CRYBG1: variants seen among roughly 807,000 people sequenced by gnomAD.
CRYBG1 encodes the protein crystallin beta-gamma domain containing 1, also known as beta/gamma crystallin domain-containing protein 1.
In CRYBG1, 139 loss-of-function variants were observed where a neutral mutation model predicts 189.2. That is an observed-to-expected ratio of 0.73 (90% CI 0.64 to 0.85). The LOEUF (loss-of-function observed/expected upper bound fraction) is 0.85. CRYBG1 is among the 40% of genes least tolerant of loss of function. The pLI is 0.00. For synonymous variants in CRYBG1, 1,023 were observed against 1,017.1 expected (o/e 1.01, Z -0.11); for missense variants, 2,611 against 2,675.8 (o/e 0.98, Z 0.53).
chr6:106,452,517 G>A (rs536065324), intron 2 of CRYBG1, among the ~76,000 whole-genome samples: 20 of 151,898 alleles, frequency 1.3e-4, no homozygotes, highest in South Asian at 2.1e-4. Flanking sequence ...TGCCTTTTGC[G>A]CGCCCTTTTT....
At position 106,512,199 on chromosome 6, in the gene CRYBG1, A is replaced by T. The variant is rs1215610580; in HGVS notation, c.1082A>T (p.Asp361Val). The T allele has an allele frequency of 1.3e-6, 2 of 1,535,864 alleles. No individual in the cohort carries two copies. The highest frequency in any genetic ancestry group is 1.4e-5 in the African/African-American group (1 of 73,146). The part of the protein sequence containing the change: ...AAHTASSAQA[D>V]CTARPKGHAH... ...CACACGGCCAGCTCCGCGCAGGCAG[A>T]CTGCACAGCCCGCCCCAAGGGTCAC... is the stretch of plus-strand genomic sequence containing the variant. The change falls in exon 3 of 22, where the codon GAC becomes GTC. Residue 361 changes from aspartate to valine, a missense_variant. By Grantham distance (152) the Asp-to-Val change is radical. Around this residue, in one of 3 missense-constraint regions of CRYBG1, gnomAD observed 985 missense variants for 924.4 expected, o/e 1.07. Transcript: ENST00000633556.
chr6:106,495,906 T>C (rs73761825), intron 2 of CRYBG1, among the ~76,000 whole-genome samples: 2,679 of 150,456 alleles, frequency 0.018, 85 homozygotes, highest in African/African-American at 0.063. Flanking sequence ...GGAAAAAGAC[T>C]AGTAGGGAAA....
chr6:106,456,921 C>T (rs1771899863), intron 2 of CRYBG1, among the ~76,000 whole-genome samples: 1 of 152,158 alleles, frequency 6.6e-6, no homozygotes, highest in African/African-American at 2.4e-5. Context: ...GGACACAATA[C>T]ATCAACATTA....
Position 106,561,439 on chromosome 6 carries a change from T to C in CRYBG1, c.6077T>C (p.Met2026Thr). The change falls in exon 20 of 22, where the codon ATG becomes ACG. Residue 2026 changes from methionine to threonine, a missense_variant. Around this residue, in one of 3 missense-constraint regions of CRYBG1, gnomAD observed 1,622 missense variants for 1,735.0 expected, o/e 0.93. Transcript: ENST00000633556. The stretch of plus-strand genomic sequence containing the variant: ...CTGAAGCTTCTGAGGATACAGGTCA[T>C]GGAGGATGTCGGGGCCGATGATCAG... ...EDLKLLRIQV[M>T]EDVGADDQIW... 2 of 1,614,168 alleles carry C rather than the reference T, an allele frequency of 1.2e-6. No homozygotes were observed. The highest frequency in any genetic ancestry group is 1.7e-5 in the Admixed American group (1 of 60,032).
At chr6:106,433,773 GTATATATA>G (rs1318647942) in intron 1 of CRYBG1, among the ~76,000 whole-genome samples, 1 of 36,460 alleles carries the variant, frequency 2.7e-5, no homozygotes, top group African/African-American at 1.1e-4. Flanking sequence ...ATATATATAT[GTATATATA>G]TATAAACATA....
At chr6:106,472,325 T>C (rs1232345979) in intron 2 of CRYBG1, among the ~76,000 whole-genome samples, 1 of 152,224 alleles carries the variant, frequency 6.6e-6, no homozygotes, top group Non-Finnish European at 1.5e-5. Context: ...ATAGATAAAG[T>C]ATAACACTTG....
intron 2 of CRYBG1, among the ~76,000 whole-genome samples, chr6:106,484,795 A>G (rs532091445): frequency 1.2e-4 from 18 of 152,192 alleles, no homozygotes; most frequent in Admixed American, 9.2e-4. Flanking sequence ...AGTCCAGCCT[A>G]GGCAATGTAG....
chr6:106,504,034 A>AC (rs1480697168), intron 2 of CRYBG1, among the ~76,000 whole-genome samples: 2 of 140,464 alleles, frequency 1.4e-5, no homozygotes, highest in African/African-American at 5.2e-5. Flanking sequence ...CATTAGAAAA[A>AC]AAAAAAAAAA....
intron 1 of CRYBG1, among the ~76,000 whole-genome samples, chr6:106,397,237 C>T (rs1770630853): frequency 6.6e-6 from 1 of 152,160 alleles, no homozygotes. Context: ...ATATTTATCA[C>T]CTCACATAGT....
At chr6:106,507,087 G>A (rs1021504630) in intron 2 of CRYBG1, among the ~76,000 whole-genome samples, 4 of 152,226 alleles carry the variant, frequency 2.6e-5, no homozygotes, top group African/African-American at 9.6e-5. Flanking sequence ...ACACCACGAA[G>A]GTTGAGAATC....
At chr6:106,399,762 TC>T (rs1307894324) in intron 1 of CRYBG1, among the ~76,000 whole-genome samples, 4 of 151,226 alleles carry the variant, frequency 2.6e-5, no homozygotes, top group Admixed American at 6.6e-5. Context: ...GCTCAAGGCA[TC>T]CTGCCACCTC....
At chr6:106,382,118 G>A (rs562845221) in intron 1 of CRYBG1, among the ~76,000 whole-genome samples, 1 of 152,290 alleles carries the variant, frequency 6.6e-6, no homozygotes, top group Non-Finnish European at 1.5e-5. Context: ...AGGCTTCTGA[G>A]CTCTTAATAG....
At chr6:106,411,402 C>T (rs1353137773) in intron 1 of CRYBG1, among the ~76,000 whole-genome samples, 1 of 152,192 alleles carries the variant, frequency 6.6e-6, no homozygotes, top group African/African-American at 2.4e-5. Context: ...CTTCTGCCTG[C>T]TGTTTTCTTC....
chr6:106,530,306 A>G lies in CRYBG1; in HGVS notation c.4709A>G (p.His1570Arg). 1 of 1,605,046 alleles carries G rather than the reference A, an allele frequency of 6.2e-7. No individual in the cohort carries two copies. Among genetic ancestry groups the G allele is most frequent in the Non-Finnish European group, 8.5e-7 (1 of 1,176,570 alleles). ...VMQKTCSMKV[H>R]WGTWLIYEEP... is the part of the protein sequence containing the mutation. Reference sequence around the variant, plus strand: ...CAGAAGACTTGTTCCATGAAAGTACATTGGGGCACGTAAGTATTTTTTTTT... The same window carrying G: ...CAGAAGACTTGTTCCATGAAAGTACGTTGGGGCACGTAAGTATTTTTTTTT... Residue 1570 changes from histidine to arginine, a missense_variant, in exon 8 of 22, where the codon CAT (histidine) becomes CGT (arginine). Around this residue, in one of 3 missense-constraint regions of CRYBG1, gnomAD observed 1,622 missense variants for 1,735.0 expected, o/e 0.93. Coordinates refer to ENST00000633556, the MANE Select transcript of CRYBG1 (RefSeq NM_001371242.2).
intron 1 of CRYBG1, among the ~76,000 whole-genome samples, chr6:106,410,219 A>C (rs930617978): frequency 6.6e-6 from 1 of 152,246 alleles, no homozygotes; most frequent in African/African-American, 2.4e-5. Context: ...GGATATGAAC[A>C]GACACTTCTC....
intron 9 of CRYBG1, among the ~76,000 whole-genome samples, chr6:106,540,767 CTT>C (rs1005502791): frequency 6.6e-6 from 1 of 151,274 alleles, no homozygotes; most frequent in African/African-American, 2.4e-5. Context: ...CATTTGGTGC[CTT>C]TGAGCATCCT....
intron 1 of CRYBG1, among the ~76,000 whole-genome samples, chr6:106,408,771 C>T (rs1770871458): frequency 6.6e-6 from 1 of 152,172 alleles, no homozygotes; most frequent in African/African-American, 2.4e-5. Flanking sequence ...ATGACAAAAA[C>T]CACATGATTA....
chr6:106,389,407 T>A (rs963531212), intron 1 of CRYBG1, among the ~76,000 whole-genome samples: 1 of 152,100 alleles, frequency 6.6e-6, no homozygotes, highest in African/African-American at 2.4e-5. Flanking sequence ...AGATTATGAG[T>A]GAAACTAGTT....
intron 1 of CRYBG1, among the ~76,000 whole-genome samples, chr6:106,410,070 A>G (rs887151995): frequency 2.0e-5 from 3 of 152,244 alleles, no homozygotes; most frequent in Admixed American, 2.0e-4. Flanking sequence ...AGATACTACC[A>G]TCAGAGTGAA....
Sources: allele counts gnomAD v4.1 joint callset (sites outside exome capture counted in the v4.1 genomes callset), GRCh38; gene constraint gnomAD v4.1.1; regional missense constraint gnomAD v4.1.1; transcripts MANE v1.5; gene names NCBI Gene and HGNC (gene_info 2026-07-23, HGNC 2026-07-21).